Variants in CSMD1 observed in about 807,000 individuals in gnomAD.
CSMD1 encodes the protein CUB and sushi domain-containing protein 1.
In CSMD1, 213 loss-of-function variants were observed where a neutral mutation model predicts 417.5. The observed-to-expected ratio is 0.51, with a 90% confidence interval of 0.46 to 0.57. The LOEUF (loss-of-function observed/expected upper bound fraction) is 0.57, where lower values mean the gene tolerates loss of function less well. Ranked by LOEUF, CSMD1 falls within the 20% of genes least tolerant of loss-of-function variation. The pLI is 0.00. For synonymous variants in CSMD1, 2,862 were observed against 1,736.8 expected (o/e 1.65, Z -16.11); for missense variants, 6,923 against 4,529.7 (o/e 1.53, Z -15.17).
At chr8:3,677,278 G>A (rs1460654912) in intron 7 of CSMD1, among the ~76,000 whole-genome samples, 1 of 152,312 alleles carries the variant, frequency 6.6e-6, no homozygotes, top group Admixed American at 6.5e-5. Flanking sequence ...TCCCAGGAAA[G>A]TTATGGTTCC....
In CSMD1 at chr8:3,151,412, A is replaced by C. The variant is rs1819186441; in HGVS notation, c.6016T>G (p.Leu2006Val). 6.2e-7 allele frequency: 1 copy of C among 1,610,818 alleles called. No individual in the cohort carries two copies. The highest frequency in any genetic ancestry group is 1.3e-5 in the African/African-American group (1 of 74,874). ...NNLDCTWRIS[L>V]PIGYGAHIQF... is the part of the protein sequence containing the mutation. ...TTTCACTTACCATAGCCGATGGGTA[A>C]TGAGATCCTCCAGGTGCAGTCTAAG... Residue 2006 changes from leucine to valine, a missense_variant, in exon 40 of 70, where the codon TTA (leucine) becomes GTA (valine). Physicochemically the swap from Leu to Val is conservative, Grantham distance 32. Transcript: ENST00000635120.
intron 26 of CSMD1, among the ~76,000 whole-genome samples, 191 bp downstream of exon 26, chr8:3,283,953 T>C (rs970526368): frequency 2.0e-5 from 3 of 152,270 alleles, no homozygotes; most frequent in Non-Finnish European, 2.9e-5. Context: ...TCTGTTATCG[T>C]GGCCTCAGCC....
intron 1 of CSMD1, among the ~76,000 whole-genome samples, chr8:4,676,413 C>A (rs1165826701): frequency 6.6e-6 from 1 of 152,154 alleles, no homozygotes; most frequent in African/African-American, 2.4e-5. Flanking sequence ...CACCCCTCAA[C>A]CACTTCTGGG....
At chr8:4,871,252 G>A (rs1056054861) in intron 1 of CSMD1, among the ~76,000 whole-genome samples, 1 of 151,930 alleles carries the variant, frequency 6.6e-6, no homozygotes, top group Non-Finnish European at 1.5e-5. Flanking sequence ...TGGCTATTGT[G>A]ACAGCCCATT....
intron 1 of CSMD1, among the ~76,000 whole-genome samples, chr8:4,719,181 A>G (rs76044372): frequency 0.012 from 1,821 of 152,320 alleles, 20 homozygotes; most frequent in Non-Finnish European, 0.021. Context: ...AAGACTACAC[A>G]GCTAGAGAAA....
chr8:3,132,362 A>C (rs528092732), intron 41 of CSMD1, among the ~76,000 whole-genome samples: 39 of 152,288 alleles, frequency 2.6e-4, no homozygotes, highest in African/African-American at 7.9e-4. Flanking sequence ...CCTTCAAAAA[A>C]ATTTGACTTA....
chr8:3,123,029 G>C (rs1341672814), intron 41 of CSMD1, among the ~76,000 whole-genome samples: 1 of 152,140 alleles, frequency 6.6e-6, no homozygotes, highest in Non-Finnish European at 1.5e-5. Flanking sequence ...TGTCTTAAAG[G>C]ACGTAGCTCA....
At chr8:3,545,955 A>G (rs1798641126) in intron 10 of CSMD1, among the ~76,000 whole-genome samples, 1 of 152,168 alleles carries the variant, frequency 6.6e-6, no homozygotes, top group African/African-American at 2.4e-5. Flanking sequence ...AGAAACTGGA[A>G]AGGTTTAGCT....
chr8:3,232,575 G>A (rs1324479254), intron 26 of CSMD1, among the ~76,000 whole-genome samples: 4 of 152,070 alleles, frequency 2.6e-5, no homozygotes, highest in African/African-American at 9.7e-5. Flanking sequence ...GTACACATTT[G>A]CTCTTTCAAA....
chr8:4,578,083 A>G (rs142250214), intron 2 of CSMD1, among the ~76,000 whole-genome samples: 214 of 152,310 alleles, frequency 1.4e-3, no homozygotes, highest in Non-Finnish European at 2.5e-3. Flanking sequence ...AGTGCACCCG[A>G]GTTAGCTCAG....
intron 5 of CSMD1, among the ~76,000 whole-genome samples, chr8:3,865,846 C>G (rs7840606): frequency 1.3e-5 from 2 of 152,080 alleles, no homozygotes; most frequent in African/African-American, 4.8e-5. Flanking sequence ...TCCATTTGAG[C>G]TGGAAACACG....
intron 5 of CSMD1, among the ~76,000 whole-genome samples, chr8:3,780,698 C>G (rs56250348): frequency 0.15 from 22,638 of 152,156 alleles, 2,369 homozygotes; most frequent in African/African-American, 0.28. Flanking sequence ...CAGAAAGAGC[C>G]CAGCCTGGTG....
At chr8:4,313,577 T>C (rs1027833755) in intron 3 of CSMD1, among the ~76,000 whole-genome samples, 2 of 150,764 alleles carry the variant, frequency 1.3e-5, no homozygotes, top group African/African-American at 2.4e-5. Context: ...GAAAGAAGAA[T>C]GTTGGAATTA....
intron 1 of CSMD1, among the ~76,000 whole-genome samples, chr8:4,815,394 C>T (rs186178124): frequency 2.2e-4 from 33 of 152,168 alleles, no homozygotes; most frequent in African/African-American, 7.0e-4. Context: ...GGCTACTGTA[C>T]TGCAATATAT....
At chr8:2,947,264 AATTTT>A (rs1457637596) in intron 68 of CSMD1, among the ~76,000 whole-genome samples, 1 of 152,194 alleles carries the variant, frequency 6.6e-6, no homozygotes, top group Admixed American at 6.5e-5. Flanking sequence ...CTTTCAAATT[AATTTT>A]ATTTTAGTAT....
intron 18 of CSMD1, among the ~76,000 whole-genome samples, chr8:3,372,855 T>C (rs779187672): frequency 6.6e-6 from 1 of 152,134 alleles, no homozygotes; most frequent in African/African-American, 2.4e-5. Context: ...GCAGTGAATG[T>C]AGAAATAAGC....
chr8:3,994,806 A>C (rs557644892), intron 5 of CSMD1, among the ~76,000 whole-genome samples: 1 of 152,322 alleles, frequency 6.6e-6, no homozygotes, highest in East Asian at 1.9e-4. Context: ...TTTCACTCCA[A>C]ATTAAATGAA....
In CSMD1 at chr8:3,926,043, A is replaced by AC. The variant is rs774747549; in HGVS notation, c.818+71859_818+71860insG. On this transcript the variant is annotated intron_variant, in intron 5 of 69. Coordinates refer to ENST00000635120, the MANE Select transcript of CSMD1 (RefSeq NM_033225.6). ...CACACACACACACACACACACACAC[A>AC]AACACCATATACACACACACACACA... 8.6e-3 allele frequency among the ~76,000 whole-genome samples: 849 copies of AC among 99,262 alleles called. 28 individuals carry two copies. The highest frequency in any genetic ancestry group is 0.035 in the African/African-American group (790 of 22,580). The allele number at this position is 99,262 out of a possible 152,430, so 65.1% of individuals were successfully genotyped here.
intron 5 of CSMD1, among the ~76,000 whole-genome samples, chr8:3,931,834 G>A (rs924616094): frequency 2.0e-5 from 3 of 147,908 alleles, no homozygotes; most frequent in African/African-American, 7.5e-5. Flanking sequence ...CAGAGGACTG[G>A]GCTATCTTTA....
Sources: gnomAD v4.1 joint callset for allele counts (sites outside exome capture counted in the v4.1 genomes callset) on GRCh38, gnomAD v4.1.1 for gene constraint, MANE v1.5 for transcripts, NCBI Gene and HGNC (gene_info 2026-07-23, HGNC 2026-07-21) for gene names.